ANKHD1: variants seen among roughly 807,000 people sequenced by gnomAD.
The protein encoded by ANKHD1 is ankyrin repeat and KH domain containing 1.
A neutral mutation model predicts 230.5 loss-of-function variants in ANKHD1; 31 were observed. The observed-to-expected ratio is 0.13, with a 90% CI of 0.10 to 0.18. The LOEUF (loss-of-function observed/expected upper bound fraction) is 0.18. Among genes scored for constraint, ANKHD1 ranks in the 10% least tolerant of loss-of-function variants. The pLI is 1.00. For missense variants in ANKHD1, 2,256 were observed against 3,071.3 expected (o/e 0.73, Z 6.27); for synonymous variants, 1,074 against 1,117.6 (o/e 0.96, Z 0.78).
chr5:140,525,955 C>T (rs1393026677), intron 25 of ANKHD1, 41 bp from the exon 26 acceptor site: 3 of 1,524,208 alleles, frequency 2.0e-6, no homozygotes, highest in Non-Finnish European at 2.6e-6. Flanking sequence ...GTTTTGAGAT[C>T]TGTGACTCAG....
intron 1 of ANKHD1, among the ~76,000 whole-genome samples, chr5:140,434,596 A>G (rs1050056765): frequency 6.6e-6 from 1 of 151,764 alleles, no homozygotes; most frequent in African/African-American, 2.4e-5. Context: ...ATTTAGCAAA[A>G]TAAGAATCAT....
chr5:140,402,615 CT>C (rs1770051933), intron 1 of ANKHD1, among the ~76,000 whole-genome samples: 1 of 152,192 alleles, frequency 6.6e-6, no homozygotes, highest in South Asian at 2.1e-4. Context: ...GCCCTTGGTA[CT>C]GAGAGAGACA....
chr5:140,449,554 C>T (rs1190982187), intron 7 of ANKHD1, among the ~76,000 whole-genome samples: 2 of 151,404 alleles, frequency 1.3e-5, no homozygotes, highest in Non-Finnish European at 2.9e-5. Flanking sequence ...CCCAGCTACT[C>T]GGGAGGCTGA....
intron 7 of ANKHD1, among the ~76,000 whole-genome samples, chr5:140,450,061 C>T (rs749364465): frequency 7.2e-5 from 11 of 152,082 alleles, no homozygotes; most frequent in East Asian, 5.8e-4. Flanking sequence ...ATATATCATG[C>T]GTATATGCAT....
At chr5:140,517,996 T>A (rs1404030543) in intron 24 of ANKHD1, among the ~76,000 whole-genome samples, 1 of 151,984 alleles carries the variant, frequency 6.6e-6, no homozygotes, top group African/African-American at 2.4e-5. Context: ...AATTAACGAA[T>A]CCAGGAGCTG....
intron 10 of ANKHD1, among the ~76,000 whole-genome samples, chr5:140,473,361 G>A (rs938364237): frequency 1.3e-5 from 2 of 151,974 alleles, no homozygotes; most frequent in Non-Finnish European, 2.9e-5. Flanking sequence ...TCTTAATCAT[G>A]ATGCTTATTA....
chr5:140,408,707 A>T (rs1319997585), intron 1 of ANKHD1, among the ~76,000 whole-genome samples: 1 of 151,822 alleles, frequency 6.6e-6, no homozygotes, highest in East Asian at 1.9e-4. Flanking sequence ...TTTTACCGTT[A>T]TGTGTTTTGA....
In ANKHD1 at chr5:140,456,082, C is replaced by T. The variant is rs185414337; in HGVS notation, c.1243-2543C>T. ...TTATACACCAATAACAGACAGAGAG[C>T]CAAATCATGAGTGAACTCCCATTCA... On this transcript the variant is annotated intron_variant, in intron 7 of 33. Transcript: ENST00000360839. Among the ~76,000 whole-genome samples, 318 of 152,058 alleles carry T rather than the reference C, an allele frequency of 2.1e-3. 4 individuals carry two copies. Among genetic ancestry groups the T allele is most frequent in the Non-Finnish European group, 2.8e-3 (188 of 67,958 alleles).
chr5:140,504,893 G>A lies in ANKHD1; in HGVS notation c.3077G>A (p.Cys1026Tyr). The A allele has an allele frequency of 1.9e-6, 3 of 1,614,174 alleles. No homozygotes were observed. The highest frequency in any genetic ancestry group is 2.5e-6 in the Non-Finnish European group (3 of 1,180,030). ...ACAGAGTGTCTTACACCTGAATCCT[G>A]TTCGCAGACTACAAGCAATGTGGCT... ...QTTECLTPES[C>Y]SQTTSNVASQ... The change falls in exon 16 of 34, where the codon TGT (cysteine) becomes TAT (tyrosine). Residue 1026 changes from cysteine to tyrosine, a missense_variant. By Grantham distance (194) the Cys-to-Tyr change is radical. Transcript: ENST00000360839.
intron 10 of ANKHD1, among the ~76,000 whole-genome samples, chr5:140,469,111 C>T (rs1776310770): frequency 6.6e-6 from 1 of 151,900 alleles, no homozygotes; most frequent in Admixed American, 6.6e-5. Context: ...CCTTCCCTCC[C>T]TTCTCTCCTT....
At chr5:140,449,423 G>A in intron 7 of ANKHD1, 118 bp downstream of exon 7, 1 of 1,176,834 alleles carries the variant, frequency 8.5e-7, no homozygotes, top group Non-Finnish European at 1.2e-6. Context: ...CCAGCACTTT[G>A]AGAGGCCAAG....
At chr5:140,499,013 A>G (rs1752160425) in intron 15 of ANKHD1, among the ~76,000 whole-genome samples, 1 of 152,092 alleles carries the variant, frequency 6.6e-6, no homozygotes, top group Admixed American at 6.6e-5. Flanking sequence ...TTTTATTAAT[A>G]TAAACAAAAT....
chr5:140,508,214 C>G (rs1213741610), intron 20 of ANKHD1, among the ~76,000 whole-genome samples: 1 of 152,176 alleles, frequency 6.6e-6, no homozygotes, highest in Non-Finnish European at 1.5e-5. Context: ...GTACTTTTCC[C>G]AACCTCAGCC....
intron 24 of ANKHD1, among the ~76,000 whole-genome samples, chr5:140,520,634 A>G (rs944008455): frequency 2.0e-5 from 3 of 151,912 alleles, no homozygotes; most frequent in African/African-American, 7.3e-5. Flanking sequence ...TTGTGGGGAC[A>G]TGGATGAAAT....
intron 6 of ANKHD1, among the ~76,000 whole-genome samples, chr5:140,448,527 C>G (rs1490250717): frequency 6.6e-6 from 1 of 152,102 alleles, no homozygotes; most frequent in African/African-American, 2.4e-5. Context: ...GCCCTTTGCC[C>G]CACCCTACAC....
At chr5:140,406,194 C>T (rs527943500) in intron 1 of ANKHD1, among the ~76,000 whole-genome samples, 5 of 151,228 alleles carry the variant, frequency 3.3e-5, no homozygotes, top group Admixed American at 1.3e-4. Context: ...GCCGAGATCA[C>T]GCCACTGCCC....
rs759032377 is a variant in ANKHD1 at position 140,401,883 on chromosome 5, C to A, written c.-85C>A. 2 of 1,475,048 alleles carry A rather than the reference C, an allele frequency of 1.4e-6. No individual in the cohort carries two copies. The highest frequency in any genetic ancestry group is 2.7e-5 in the Admixed American group (1 of 37,098). The allele number at this position is 1,475,048 out of a possible 1,614,324, so 91.4% of individuals were successfully genotyped here. A position where few individuals can be genotyped will look rare whatever the true frequency, so the allele number is the denominator to read the frequency against. On this transcript the variant is annotated 5_prime_UTR_variant, in exon 1 of 34. Coordinates refer to ENST00000360839, the MANE Select transcript of ANKHD1 (RefSeq NM_017747.3). ...GACGGGGGAAAGGAGACGCTTCTTCCTCTTGCTGCTCTTCTCGTTCCCGAG... is the reference window on the plus strand; with the variant it reads ...GACGGGGGAAAGGAGACGCTTCTTCATCTTGCTGCTCTTCTCGTTCCCGAG...
intron 24 of ANKHD1, among the ~76,000 whole-genome samples, chr5:140,523,476 A>G (rs1753455087): frequency 6.9e-6 from 1 of 145,524 alleles, no homozygotes; most frequent in African/African-American, 2.5e-5. Flanking sequence ...GAGTTGTAAG[A>G]TTTTTTTTTT....
Position 140,528,860 on chromosome 5 carries a change from C to T in ANKHD1, c.5914C>T (p.Pro1972Ser), listed in dbSNP as rs756485811. Reference sequence around the variant, plus strand: ...TGCCTGTGTGCCTAAGACAAGTCCTCCAGCAACAGTGATTTCTTCTGTGAC... The same window carrying T: ...TGCCTGTGTGCCTAAGACAAGTCCTTCAGCAACAGTGATTTCTTCTGTGAC... Reference protein sequence around the residue: ...LFACVPKTSPPATVISSVTST... With the variant: ...LFACVPKTSPSATVISSVTST... Residue 1972 changes from proline (P) to serine (S), a missense_variant, in exon 29 of 34, where the codon CCA becomes TCA. Pro to Ser is a moderately conservative substitution (Grantham distance 74). Coordinates refer to ENST00000360839, the MANE Select transcript of ANKHD1 (RefSeq NM_017747.3). 1 of 1,614,082 alleles carries T rather than the reference C, an allele frequency of 6.2e-7. No homozygotes were observed. The highest frequency in any genetic ancestry group is 8.5e-7 in the Non-Finnish European group (1 of 1,180,030).
Sources: gnomAD v4.1 joint callset for allele counts (sites outside exome capture counted in the v4.1 genomes callset) on GRCh38, gnomAD v4.1.1 for gene constraint, MANE v1.5 for transcripts, NCBI Gene and HGNC (gene_info 2026-07-23, HGNC 2026-07-21) for gene names.